CMYA5: variants seen among roughly 807,000 people sequenced by gnomAD.
CMYA5 encodes cardiomyopathy associated 5.
A neutral mutation model predicts 318.9 loss-of-function variants in CMYA5; 246 were observed. The observed-to-expected ratio is 0.77, with a 90% CI of 0.70 to 0.86. The LOEUF is 0.86. CMYA5 is among the 40% of genes least tolerant of loss of function. The probability of loss-of-function intolerance (pLI) is 0.00; values close to 1 mark genes in which losing one functional copy is unlikely to be tolerated. For synonymous variants in CMYA5, 1,641 were observed against 1,729.5 expected, an observed-to-expected ratio of 0.95 and a Z score of 1.27; for missense variants, 4,589 against 4,678.2, an observed-to-expected ratio of 0.98 and a Z score of 0.56.
intron 2 of CMYA5, among the ~76,000 whole-genome samples, chr5:79,742,310 C>T (rs1828232730): frequency 6.6e-6 from 1 of 151,990 alleles, no homozygotes; most frequent in African/African-American, 2.4e-5. Context: ...CCTCAGCCTC[C>T]TGACTAGCTG....
Position 79,745,475 on chromosome 5 carries a change from G to A in CMYA5, c.10968+20G>A. ...CTGACTGTAAGTGCCAAGTAAAATGGGCTCAAACACCTTGCGCCCACTCTG... is the reference window on the plus strand; with the variant it reads ...CTGACTGTAAGTGCCAAGTAAAATGAGCTCAAACACCTTGCGCCCACTCTG... On this transcript the variant is annotated intron_variant, in intron 4 of 12. Transcript: ENST00000446378. The A allele has an allele frequency of 6.4e-7, 1 of 1,553,514 alleles. No individual in the cohort carries two copies. The highest frequency in any genetic ancestry group is 1.1e-5 in the South Asian group (1 of 89,704).
rs1349611010 is a variant in CMYA5, at chr5:79,738,781, CGGTTCCATTT to C, written c.10018_10027del (p.Val3340LysfsTer29). 2 of 1,613,716 alleles carry C rather than the reference CGGTTCCATTT, an allele frequency of 1.2e-6. No homozygotes were observed. Among genetic ancestry groups the C allele is most frequent in the Non-Finnish European group, 1.7e-6 (2 of 1,179,872 alleles). On this transcript the variant is annotated frameshift_variant, in exon 2 of 13. Coordinates refer to ENST00000446378, the MANE Select transcript of CMYA5 (RefSeq NM_153610.5). LOFTEE classifies it high-confidence loss of function. ...GTGGCTACCCAGAAAATAAGTTATG[CGGTTCCATTT>C]GAAGACACCCATCATGTTCTGGAGC... is the stretch of plus-strand genomic sequence containing the variant.
At chr5:79,748,493 TTCC>T (rs1828369383) in intron 5 of CMYA5, among the ~76,000 whole-genome samples, 1 of 147,758 alleles carries the variant, frequency 6.8e-6, no homozygotes, top group Admixed American at 6.8e-5. Flanking sequence ...TTATTCCGAG[TTCC>T]CTATCTATCT....
intron 10 of CMYA5, among the ~76,000 whole-genome samples, chr5:79,789,480 A>C (rs759148215): frequency 1.3e-5 from 2 of 151,988 alleles, no homozygotes; most frequent in Non-Finnish European, 2.9e-5. Context: ...GCTAGAGTGA[A>C]GTGGCATGAT....
chr5:79,715,326 C>T (rs1212238112), intron 1 of CMYA5, among the ~76,000 whole-genome samples: 1 of 149,408 alleles, frequency 6.7e-6, no homozygotes, highest in African/African-American at 2.4e-5. Context: ...CTCGCTCTGT[C>T]ACCCAGGCTG....
At position 79,731,424 on chromosome 5, in the gene CMYA5, G is replaced by A; in HGVS notation, c.2659G>A (p.Ala887Thr). ...SEYVVLSDEE[A>T]VELERYTPSS... ...ATATGTTGTTCTATCAGACGAAGAG[G>A]CAGTCGAGTTGGAACGATACACACC... The change falls in exon 2 of 13, where the codon GCA becomes ACA. Residue 887 changes from alanine to threonine, a missense_variant. Around this residue, in one of 3 missense-constraint regions of CMYA5, gnomAD observed 2,132 missense variants for 2,131.3 expected, o/e 1.00. Coordinates refer to ENST00000446378, the MANE Select transcript of CMYA5 (RefSeq NM_153610.5). 6.2e-7 allele frequency: 1 copy of A among 1,613,550 alleles called. No individual in the cohort carries two copies. The highest frequency in any genetic ancestry group is 1.1e-5 in the South Asian group (1 of 91,034).
chr5:79,706,679 T>G (rs1009729529), intron 1 of CMYA5, among the ~76,000 whole-genome samples: 1 of 151,660 alleles, frequency 6.6e-6, no homozygotes, highest in Non-Finnish European at 1.5e-5. Flanking sequence ...GGAATCTTGG[T>G]GATGTGAAAC....
chr5:79,715,564 G>C (rs1207149633), intron 1 of CMYA5, among the ~76,000 whole-genome samples: 1 of 152,082 alleles, frequency 6.6e-6, no homozygotes, highest in East Asian at 1.9e-4. Context: ...TGGGATTACA[G>C]ACGTGAGCCA....
At chr5:79,752,059 G>A (rs1322322991) in intron 5 of CMYA5, among the ~76,000 whole-genome samples, 1 of 152,208 alleles carries the variant, frequency 6.6e-6, no homozygotes, top group Non-Finnish European at 1.5e-5. Context: ...TGGCATTCCA[G>A]CTAATGAGGG....
chr5:79,734,528 C>T lies in CMYA5; in HGVS notation c.5763C>T (p.Ser1921=), dbSNP rs1254157703. 1.2e-6 allele frequency: 2 copies of T among 1,613,814 alleles called. No homozygotes were observed. The highest frequency in any genetic ancestry group is 1.7e-6 in the Non-Finnish European group (2 of 1,179,798). ...CTGTGCAGCTGGATTCCTCTAGCAG[C>T]AATGAGCTGAGGCCAGGGCAGCTCA... ...AGSVQLDSSS[S]NELRPGQLKA... The change falls in exon 2 of 13, where the codon AGC becomes AGT. Residue 1921 remains serine, a synonymous_variant. Transcript: ENST00000446378.
At chr5:79,698,900 G>C (rs1462033452) in intron 1 of CMYA5, among the ~76,000 whole-genome samples, 2 of 152,214 alleles carry the variant, frequency 1.3e-5, no homozygotes, top group East Asian at 3.9e-4. Flanking sequence ...CTCAAGGCCT[G>C]TAATCCCAGC....
At chr5:79,713,912 G>A (rs1327599509) in intron 1 of CMYA5, among the ~76,000 whole-genome samples, 2 of 151,910 alleles carry the variant, frequency 1.3e-5, no homozygotes, top group African/African-American at 2.4e-5. Context: ...TCTTGTCCTG[G>A]TTGTAAGGAC....
At chr5:79,694,652 C>T (rs1215071686) in intron 1 of CMYA5, among the ~76,000 whole-genome samples, 1 of 152,230 alleles carries the variant, frequency 6.6e-6, no homozygotes. Context: ...TAGTGACATT[C>T]ACATTTAACT....
Position 79,734,882 on chromosome 5 carries a change from A to T in CMYA5, c.6117A>T (p.Lys2039Asn). Reference protein sequence around the residue: ...SWPSKEDSQEKIKLPPERFFQ... With the variant: ...SWPSKEDSQENIKLPPERFFQ... ...CTTCCAAAGAAGATAGCCAGGAAAAAATTAAACTACCTCCTGAAAGATTCT... is the reference window on the plus strand; with the variant it reads ...CTTCCAAAGAAGATAGCCAGGAAAATATTAAACTACCTCCTGAAAGATTCT... Residue 2039 changes from lysine (K) to asparagine (N), a missense_variant, in exon 2 of 13, where the codon AAA (lysine) becomes AAT (asparagine). Around this residue, in one of 3 missense-constraint regions of CMYA5, gnomAD observed 2,431 missense variants for 2,495.1 expected, o/e 0.97. Coordinates refer to ENST00000446378, the MANE Select transcript of CMYA5 (RefSeq NM_153610.5). The T allele has an allele frequency of 6.2e-7, 1 of 1,613,794 alleles. No individual in the cohort carries two copies.
At chr5:79,761,503 T>C (rs1266418841) in intron 7 of CMYA5, among the ~76,000 whole-genome samples, 1 of 152,236 alleles carries the variant, frequency 6.6e-6, no homozygotes, top group Non-Finnish European at 1.5e-5. Flanking sequence ...ATATACATTA[T>C]GTAATTTTAA....
chr5:79,762,779 G>C (rs1278809939), intron 8 of CMYA5: 1 of 337,182 alleles, frequency 3.0e-6, no homozygotes, highest in East Asian at 5.0e-5. Context: ...TCTTTATTTT[G>C]ATTTGCTTGT....
At chr5:79,690,433 G>A (rs79344234) in intron 1 of CMYA5, among the ~76,000 whole-genome samples, 2 of 152,268 alleles carry the variant, frequency 1.3e-5, no homozygotes, top group East Asian at 3.9e-4. Context: ...GGCGGTGAAG[G>A]CGCACTGGTA....
Position 79,735,222 on chromosome 5 carries a change from C to T in CMYA5, c.6457C>T (p.Gln2153Ter). The T allele has an allele frequency of 6.2e-7, 1 of 1,613,858 alleles. No homozygotes were observed. The highest frequency in any genetic ancestry group is 8.5e-7 in the Non-Finnish European group (1 of 1,179,800). The stretch of plus-strand genomic sequence containing the variant: ...ATCCCCAGAGTCACCTGAGGTGACA[C>T]AAAATCCACCTACACAACCAAAGGT... ...PQSPESPEVT[Q>*]NPPTQPKVAK... Residue 2153 changes from glutamine to a stop codon, truncating the protein, a stop_gained, in exon 2 of 13, where the codon CAA becomes TAA. Coordinates refer to ENST00000446378, the MANE Select transcript of CMYA5 (RefSeq NM_153610.5). LOFTEE classifies it high-confidence loss of function.
intron 5 of CMYA5, among the ~76,000 whole-genome samples, chr5:79,750,703 C>T (rs529509427): frequency 1.3e-5 from 2 of 152,190 alleles, no homozygotes; most frequent in South Asian, 4.2e-4. Flanking sequence ...TTAGAAAATG[C>T]TGTTTGTTGA....
Sources: gnomAD v4.1 joint callset for allele counts (sites outside exome capture counted in the v4.1 genomes callset) on GRCh38, gnomAD v4.1.1 for gene constraint, gnomAD v4.1.1 regional missense constraint, MANE v1.5 for transcripts, NCBI Gene and HGNC (gene_info 2026-07-23, HGNC 2026-07-21) for gene names.